PDZD2: variants seen among roughly 807,000 people sequenced by gnomAD.
The protein encoded by PDZD2 is PDZ domain-containing protein 2.
PDZD2 carries 90 observed loss-of-function variants against 220.7 expected under a neutral mutation model. That is an observed-to-expected ratio of 0.41 (90% CI 0.34 to 0.49). The LOEUF is 0.49. Ranked by LOEUF, PDZD2 falls within the 20% of genes least tolerant of loss-of-function variation. The pLI is 0.28. For synonymous variants in PDZD2, 1,375 were observed against 1,450.5 expected, an observed-to-expected ratio of 0.95 and a Z score of 1.18; for missense variants, 3,174 against 3,608.5, an observed-to-expected ratio of 0.88 and a Z score of 3.08.
At chr5:31,724,279 T>C (rs1561408740) in intron 1 of PDZD2, among the ~76,000 whole-genome samples, 1 of 152,136 alleles carries the variant, frequency 6.6e-6, no homozygotes, top group African/African-American at 2.4e-5. Context: ...AAAAAAGTCA[T>C]GAAGTCTCCA....
chr5:32,049,065 G>T (rs1013082454), intron 8 of PDZD2, among the ~76,000 whole-genome samples: 1 of 152,100 alleles, frequency 6.6e-6, no homozygotes, highest in Non-Finnish European at 1.5e-5. Context: ...GAGAGGGAGT[G>T]TGCGTGTGTG....
intron 2 of PDZD2, among the ~76,000 whole-genome samples, chr5:31,948,379 G>A (rs550722662): frequency 6.6e-5 from 10 of 152,212 alleles, no homozygotes; most frequent in East Asian, 3.9e-4. Flanking sequence ...CAGGCTTTTC[G>A]ACCTTGTTTT....
intron 2 of PDZD2, among the ~76,000 whole-genome samples, chr5:31,929,059 C>T (rs542067288): frequency 6.6e-6 from 1 of 152,244 alleles, no homozygotes; most frequent in East Asian, 1.9e-4. Context: ...GTACCAGAAA[C>T]AAACTGTCCC....
At chr5:31,894,774 C>T (rs755691245) in intron 2 of PDZD2, among the ~76,000 whole-genome samples, 14 of 152,188 alleles carry the variant, frequency 9.2e-5, no homozygotes, top group East Asian at 1.9e-4. Flanking sequence ...CAATGCTGCA[C>T]GAGGGAAATG....
rs534382296 is a variant in PDZD2, at chr5:31,916,106, G to A, written c.477-67049G>A. The stretch of plus-strand genomic sequence containing the variant: ...TTGTTTGTTTTGTTTTGTTTTTAAC[G>A]CTGGAATTTATTTTTCCATCTTGTT... On this transcript the variant is annotated intron_variant, in intron 2 of 24. Transcript: ENST00000438447. Among the ~76,000 whole-genome samples the A allele has an allele frequency of 3.9e-5, 6 of 152,136 alleles. No individual in the cohort carries two copies. In the East Asian group the frequency reaches 5.8e-4, roughly 15 times the overall value.
chr5:31,799,563 G>A lies in PDZD2; in HGVS notation c.315G>A (p.Lys105=). 1 of 1,614,178 alleles carries A rather than the reference G, an allele frequency of 6.2e-7. No homozygotes were observed. Among genetic ancestry groups the A allele is most frequent in the East Asian group, 2.2e-5 (1 of 44,884 alleles). Residue 105 remains lysine, a synonymous_variant, in exon 2 of 25, where the codon AAG becomes AAA. Coordinates refer to ENST00000438447, the MANE Select transcript of PDZD2 (RefSeq NM_178140.4). ...DYGEKRRGGK[K]RKTHQGPVLD... is the part of the protein sequence containing the mutation. ...GTGAAAAGCGCAGGGGGGGCAAGAA[G>A]AGGAAAACCCACCAGGGTCCTGTGC...
Position 32,108,056 on chromosome 5 carries a change from TTGATGCCTGGAATATTA to T in PDZD2, c.8445_8461del (p.Asp2815GlufsTer13). On this transcript the variant is annotated frameshift_variant, in exon 25 of 25. Transcript: ENST00000438447. LOFTEE classifies it high-confidence loss of function. ...AAACCTCTGGTTGGGCTCATGCACTTTGATGCCTGGAATATTATGAAGTCTGTCCCAGAAGGACCTGT... is the reference window on the plus strand; with the variant it reads ...AAACCTCTGGTTGGGCTCATGCACTTTGAAGTCTGTCCCAGAAGGACCTGT... 2 of 1,611,002 alleles carry T rather than the reference TTGATGCCTGGAATATTA, an allele frequency of 1.2e-6. No individual in the cohort carries two copies. The highest frequency in any genetic ancestry group is 1.7e-6 in the Non-Finnish European group (2 of 1,177,162).
At chr5:31,853,720 C>T (rs1758192866) in intron 2 of PDZD2, among the ~76,000 whole-genome samples, 1 of 152,152 alleles carries the variant, frequency 6.6e-6, no homozygotes, top group East Asian at 1.9e-4. Context: ...AGCTCATTTA[C>T]TTTTAGGGGC....
chr5:31,692,072 C>T (rs1028888248), intron 1 of PDZD2, among the ~76,000 whole-genome samples: 2 of 152,210 alleles, frequency 1.3e-5, no homozygotes, highest in Non-Finnish European at 2.9e-5. Context: ...GGGTGGCGCT[C>T]ATTGGGGAGG....
intron 2 of PDZD2, among the ~76,000 whole-genome samples, chr5:31,921,378 TA>T (rs75580933): frequency 1.8e-4 from 28 of 151,478 alleles, no homozygotes; most frequent in African/African-American, 6.3e-4. Context: ...GTTGTACAGG[TA>T]AAAAAAAACT....
At chr5:31,993,813 A>G (rs1751421039) in intron 3 of PDZD2, among the ~76,000 whole-genome samples, 1 of 152,182 alleles carries the variant, frequency 6.6e-6, no homozygotes, top group Non-Finnish European at 1.5e-5. Flanking sequence ...TGAGACCCCA[A>G]AGTAAATCAC....
chr5:31,883,346 G>A (rs2047235036), intron 2 of PDZD2, among the ~76,000 whole-genome samples: 1 of 148,764 alleles, frequency 6.7e-6, no homozygotes, highest in Admixed American at 6.9e-5. Context: ...TCAGCCTCCT[G>A]AGTAGCTGGG....
intron 2 of PDZD2, among the ~76,000 whole-genome samples, chr5:31,898,734 T>C (rs7712367): frequency 0.56 from 85,170 of 151,552 alleles, 26,391 homozygotes; most frequent in Middle Eastern, 0.72. Context: ...TTCCTTCAAA[T>C]ATGTGGGAAC....
At chr5:31,956,556 AAAAT>A (rs1747714146) in intron 2 of PDZD2, among the ~76,000 whole-genome samples, 1 of 146,494 alleles carries the variant, frequency 6.8e-6, no homozygotes, top group African/African-American at 2.5e-5. Flanking sequence ...CAAAAAAAAA[AAAAT>A]AAATAAAATA....
chr5:31,778,187 G>C (rs1023516563), intron 1 of PDZD2, among the ~76,000 whole-genome samples: 5 of 152,164 alleles, frequency 3.3e-5, no homozygotes, highest in Non-Finnish European at 2.9e-5. Flanking sequence ...CTCAGGGATT[G>C]TAAACACACC....
chr5:31,761,096 A>G (rs887283693), intron 1 of PDZD2, among the ~76,000 whole-genome samples: 2 of 152,086 alleles, frequency 1.3e-5, no homozygotes, highest in Non-Finnish European at 2.9e-5. Context: ...GGTGCTGTGT[A>G]AGAGCTGTAG....
chr5:31,641,701 C>A (rs1229138849), intron 1 of PDZD2, among the ~76,000 whole-genome samples: 9 of 152,042 alleles, frequency 5.9e-5, no homozygotes, highest in Admixed American at 5.9e-4. Flanking sequence ...GTTGCTTATG[C>A]TGGTCTCGAA....
chr5:31,653,533 A>G (rs1164582418), intron 1 of PDZD2, among the ~76,000 whole-genome samples: 1 of 152,194 alleles, frequency 6.6e-6, no homozygotes, highest in African/African-American at 2.4e-5. Flanking sequence ...CCTCTGAGGC[A>G]GCGCTAGTTA....
intron 6 of PDZD2, among the ~76,000 whole-genome samples, chr5:32,019,139 CTT>C (rs3037908): frequency 1.0e-3 from 106 of 106,164 alleles, no homozygotes; most frequent in Admixed American, 1.8e-3. Flanking sequence ...CATAGAAAAG[CTT>C]TTTTTTTTTT....
Sources: gnomAD v4.1 joint callset for allele counts (sites outside exome capture counted in the v4.1 genomes callset) on GRCh38, gnomAD v4.1.1 for gene constraint, MANE v1.5 for transcripts, NCBI Gene and HGNC (gene_info 2026-07-23, HGNC 2026-07-21) for gene names.